ZCCHC7: variants seen among roughly 807,000 people sequenced by gnomAD.
ZCCHC7 encodes the protein zinc finger CCHC domain-containing protein 7.
ZCCHC7 carries 35 observed loss-of-function variants against 52.0 expected under a neutral mutation model. The ratio of observed to expected loss-of-function variants is 0.67; its 90% CI spans 0.51 to 0.89. The LOEUF (loss-of-function observed/expected upper bound fraction) is 0.89. Ranked by LOEUF, ZCCHC7 falls within the 40% of genes least tolerant of loss-of-function variation. ZCCHC7 has a pLI of 0.00. For missense variants in ZCCHC7, 574 were observed against 649.1 expected, an observed-to-expected ratio of 0.88 and a Z score of 1.26; for synonymous variants, 217 against 221.5, an observed-to-expected ratio of 0.98 and a Z score of 0.18.
intron 2 of ZCCHC7, among the ~76,000 whole-genome samples, chr9:37,162,777 AAAC>A (rs1324274253): frequency 6.6e-6 from 1 of 152,200 alleles, no homozygotes; most frequent in African/African-American, 2.4e-5. Flanking sequence ...CTTTCGAAGG[AAAC>A]AACAGTTCCA....
intron 2 of ZCCHC7, among the ~76,000 whole-genome samples, chr9:37,205,708 G>C (rs1823869569): frequency 6.6e-6 from 1 of 152,142 alleles, no homozygotes; most frequent in Admixed American, 6.5e-5. Flanking sequence ...AGTAGAGATG[G>C]GGTTTCACCA....
At chr9:37,348,391 T>TTTCTTTCC (rs1372754519) in intron 6 of ZCCHC7, among the ~76,000 whole-genome samples, 3 of 150,232 alleles carry the variant, frequency 2.0e-5, no homozygotes, top group African/African-American at 7.4e-5. Context: ...TCTTTCTTTC[T>TTTCTTTCC]TTTTTGACAT....
chr9:37,263,883 G>A lies in ZCCHC7; in HGVS notation c.611-38305G>A, dbSNP rs139802195. ...AAATTATTAAGAGTAACTTCTAAACGTAGAAAACATGAAAATCACATCCAA... is the reference window on the plus strand; with the variant it reads ...AAATTATTAAGAGTAACTTCTAAACATAGAAAACATGAAAATCACATCCAA... On this transcript the variant is annotated intron_variant, in intron 2 of 8. Coordinates refer to ENST00000336755, the MANE Select transcript of ZCCHC7 (RefSeq NM_032226.3). Among the ~76,000 whole-genome samples, 29 of 152,220 alleles carry A rather than the reference G, an allele frequency of 1.9e-4. No homozygotes were observed. In the East Asian group the frequency reaches 2.9e-3, roughly 15 times the overall value.
chr9:37,338,710 A>C (rs569038855), intron 6 of ZCCHC7, among the ~76,000 whole-genome samples: 11 of 152,058 alleles, frequency 7.2e-5, no homozygotes, highest in African/African-American at 2.7e-4. Context: ...TATTTTCACT[A>C]TTTTTACCAG....
intron 2 of ZCCHC7, among the ~76,000 whole-genome samples, chr9:37,178,902 G>C (rs545883655): frequency 4.8e-4 from 73 of 152,282 alleles, no homozygotes; most frequent in African/African-American, 1.6e-3. Flanking sequence ...TTAATGATCT[G>C]TATGATGACT....
At position 37,303,655 on chromosome 9, in the gene ZCCHC7, C is replaced by CTTTTT. The variant is rs74182940; in HGVS notation, c.655-512_655-508dup. Reference sequence around the variant, plus strand: ...CACCTCCTTTTATGTTTTTCTACCTCTTTTTTTTTTTTTTTTTTTTTTTTT... The same window carrying CTTTTT: ...CACCTCCTTTTATGTTTTTCTACCTCTTTTTTTTTTTTTTTTTTTTTTTTTTTTTT... On this transcript the variant is annotated intron_variant, in intron 3 of 8. Transcript: ENST00000336755. Among the ~76,000 whole-genome samples the CTTTTT allele has an allele frequency of 4.4e-3, 249 of 56,776 alleles. 5 individuals are homozygous for CTTTTT. The highest frequency in any genetic ancestry group is 5.5e-3 in the African/African-American group (70 of 12,680). 37.2% of individuals were successfully genotyped at this position (56,776 alleles called of 152,430 possible). A position where few individuals can be genotyped will look rare whatever the true frequency, so the allele number is the denominator to read the frequency against.
At chr9:37,180,525 C>T (rs1254104801) in intron 2 of ZCCHC7, among the ~76,000 whole-genome samples, 2 of 151,916 alleles carry the variant, frequency 1.3e-5, no homozygotes, top group Non-Finnish European at 2.9e-5. Context: ...AAAAAAACGT[C>T]TTGTCTTTTT....
chr9:37,212,108 G>C (rs1043517390), intron 2 of ZCCHC7, among the ~76,000 whole-genome samples: 2 of 142,352 alleles, frequency 1.4e-5, no homozygotes, highest in Non-Finnish European at 3.0e-5. Flanking sequence ...TTACCTCCCA[G>C]GATCATTTTG....
intron 6 of ZCCHC7, among the ~76,000 whole-genome samples, chr9:37,330,142 G>T (rs1291530061): frequency 6.6e-6 from 1 of 151,602 alleles, no homozygotes; most frequent in African/African-American, 2.4e-5. Flanking sequence ...AAGTCTATAG[G>T]TTAAACAGAA....
intron 2 of ZCCHC7, among the ~76,000 whole-genome samples, chr9:37,295,105 C>T (rs1828724891): frequency 6.6e-6 from 1 of 152,168 alleles, no homozygotes; most frequent in South Asian, 2.1e-4. Flanking sequence ...TGTGAGTGAT[C>T]ATCACTGCTT....
intron 2 of ZCCHC7, among the ~76,000 whole-genome samples, chr9:37,148,210 A>G (rs896133801): frequency 1.1e-4 from 16 of 152,280 alleles, no homozygotes; most frequent in Non-Finnish European, 2.1e-4. Context: ...CATTTAGCCA[A>G]CAATAACTAG....
At chr9:37,285,548 C>A (rs1021035960) in intron 2 of ZCCHC7, among the ~76,000 whole-genome samples, 3 of 151,964 alleles carry the variant, frequency 2.0e-5, no homozygotes, top group African/African-American at 7.3e-5. Flanking sequence ...TCTAAGTATT[C>A]CATTTGGCCT....
At position 37,311,558 on chromosome 9, in the gene ZCCHC7, A is replaced by G. The variant is rs995744797; in HGVS notation, c.951+5844A>G. Among the ~76,000 whole-genome samples, 4 of 152,102 alleles carry G rather than the reference A, an allele frequency of 2.6e-5. No individual in the cohort carries two copies. The South Asian group carries it at 8.3e-4, about 31-fold the overall frequency. Reference sequence around the variant, plus strand: ...CCAAGTAGCTGGGATTACAGGCATGAGCCACAACACCTGGCCAATTTTTGT... The same window carrying G: ...CCAAGTAGCTGGGATTACAGGCATGGGCCACAACACCTGGCCAATTTTTGT... On this transcript the variant is annotated intron_variant, in intron 5 of 8. Coordinates refer to ENST00000336755, the MANE Select transcript of ZCCHC7 (RefSeq NM_032226.3).
chr9:37,302,678 T>G (rs540372990), intron 3 of ZCCHC7, among the ~76,000 whole-genome samples: 3 of 152,366 alleles, frequency 2.0e-5, no homozygotes, highest in African/African-American at 7.2e-5. Flanking sequence ...TGTGGTCCAC[T>G]TGGCCAGTTC....
chr9:37,280,171 A>T (rs1440976809), intron 2 of ZCCHC7, among the ~76,000 whole-genome samples: 2 of 152,196 alleles, frequency 1.3e-5, no homozygotes. Context: ...CAGAAAGATA[A>T]AAGGGTCAAG....
chr9:37,152,014 G>C (rs1011333546), intron 2 of ZCCHC7, among the ~76,000 whole-genome samples: 1 of 152,004 alleles, frequency 6.6e-6, no homozygotes, highest in Non-Finnish European at 1.5e-5. Context: ...AATGAATTGA[G>C]ACCAACAGTT....
At chr9:37,192,096 A>G (rs1445744168) in intron 2 of ZCCHC7, among the ~76,000 whole-genome samples, 1 of 152,244 alleles carries the variant, frequency 6.6e-6, no homozygotes, top group African/African-American at 2.4e-5. Context: ...CCATTTCAGA[A>G]CTTTAGTTAA....
chr9:37,219,596 CTTA>C (rs1824705963), intron 2 of ZCCHC7, among the ~76,000 whole-genome samples: 1 of 152,172 alleles, frequency 6.6e-6, no homozygotes, highest in Admixed American at 6.5e-5. Flanking sequence ...TTATTTTGTG[CTTA>C]TTATTTTTCC....
intron 2 of ZCCHC7, among the ~76,000 whole-genome samples, chr9:37,154,619 C>A (rs1331082074): frequency 1.3e-5 from 2 of 151,936 alleles, no homozygotes; most frequent in South Asian, 2.1e-4. Flanking sequence ...GAGGCTGGGA[C>A]TAAGGGTGCA....
Sources: gnomAD v4.1 joint callset for allele counts (sites outside exome capture counted in the v4.1 genomes callset) on GRCh38, gnomAD v4.1.1 for gene constraint, MANE v1.5 for transcripts, NCBI Gene and HGNC (gene_info 2026-07-23, HGNC 2026-07-21) for gene names.